SEMA5A: variants seen among roughly 807,000 people sequenced by gnomAD.
SEMA5A encodes semaphorin-5A.
In SEMA5A, 55 loss-of-function variants were observed where a neutral mutation model predicts 135.5. The ratio of observed to expected loss-of-function variants is 0.41; its 90% CI spans 0.33 to 0.51. The LOEUF is 0.51. Ranked by LOEUF, SEMA5A falls within the 20% of genes least tolerant of loss-of-function variation. The probability of loss-of-function intolerance (pLI) is 0.37; values close to 1 mark genes in which losing one functional copy is unlikely to be tolerated. For synonymous variants in SEMA5A, 580 were observed against 546.5 expected, an observed-to-expected ratio of 1.06 and a Z score of -0.85; for missense variants, 1,290 against 1,419.9, an observed-to-expected ratio of 0.91 and a Z score of 1.47.
chr5:9,134,476 T>A (rs546985566), intron 13 of SEMA5A, among the ~76,000 whole-genome samples: 17 of 152,260 alleles, frequency 1.1e-4, no homozygotes, highest in African/African-American at 4.1e-4. Flanking sequence ...TAAAGACATA[T>A]ACAATACATA....
chr5:9,120,542 A>G (rs1740758320), intron 14 of SEMA5A, among the ~76,000 whole-genome samples: 1 of 152,138 alleles, frequency 6.6e-6, no homozygotes. Flanking sequence ...ATCTTCCCAC[A>G]TTTCTTATAA....
chr5:9,221,328 A>C lies in SEMA5A; in HGVS notation c.646+3346T>G, dbSNP rs184079338. Among the ~76,000 whole-genome samples the C allele has an allele frequency of 5.3e-3, 592 of 112,704 alleles. 3 individuals carry two copies. The highest frequency in any genetic ancestry group is 0.019 in the African/African-American group (557 of 28,610). The allele number at this position is 112,704 out of a possible 152,430, so 73.9% of individuals were successfully genotyped here. The stretch of plus-strand genomic sequence containing the variant: ...TTTTTTTTTTTTTTTTTTGAGACGG[A>C]GTCTCGCTGTGTCACCCAGGCTGGA... On this transcript the variant is annotated intron_variant, in intron 8 of 22. Coordinates refer to ENST00000382496, the MANE Select transcript of SEMA5A (RefSeq NM_003966.3).
intron 1 of SEMA5A, among the ~76,000 whole-genome samples, chr5:9,478,440 T>C (rs1446085108): frequency 6.6e-6 from 1 of 152,190 alleles, no homozygotes; most frequent in Non-Finnish European, 1.5e-5. Context: ...AAGAACTCAA[T>C]GTCAGCTGGT....
chr5:9,425,822 C>T (rs1375605171), intron 2 of SEMA5A, among the ~76,000 whole-genome samples: 1 of 152,092 alleles, frequency 6.6e-6, no homozygotes, highest in Non-Finnish European at 1.5e-5. Flanking sequence ...AGAGGAATCC[C>T]TTGGGGACCT....
chr5:9,191,445 CT>C (rs1476629693), intron 10 of SEMA5A, among the ~76,000 whole-genome samples: 1 of 152,188 alleles, frequency 6.6e-6, no homozygotes, highest in East Asian at 1.9e-4. Flanking sequence ...CTTTCATAAA[CT>C]TTAATTCCTG....
chr5:9,389,094 A>G (rs746312125), intron 2 of SEMA5A, among the ~76,000 whole-genome samples: 1 of 152,126 alleles, frequency 6.6e-6, no homozygotes, highest in Non-Finnish European at 1.5e-5. Flanking sequence ...CAGGAAGCTT[A>G]TGTAACTAGA....
chr5:9,099,057 A>G (rs990215302), intron 16 of SEMA5A, among the ~76,000 whole-genome samples: 1 of 152,186 alleles, frequency 6.6e-6, no homozygotes, highest in Non-Finnish European at 1.5e-5. Flanking sequence ...AGATCTCCAT[A>G]CCAATTGCAA....
At chr5:9,524,774 A>G (rs1737032683) in intron 1 of SEMA5A, among the ~76,000 whole-genome samples, 1 of 152,216 alleles carries the variant, frequency 6.6e-6, no homozygotes, top group Non-Finnish European at 1.5e-5. Context: ...ATAAATATAT[A>G]CATAAACACT....
At chr5:9,329,651 C>A (rs1212430364) in intron 4 of SEMA5A, among the ~76,000 whole-genome samples, 22 of 152,238 alleles carry the variant, frequency 1.4e-4, no homozygotes, top group Non-Finnish European at 1.5e-5. Context: ...GTCTGTAGCA[C>A]ATGTACATGC....
At chr5:9,179,307 A>G (rs144133418) in intron 11 of SEMA5A, among the ~76,000 whole-genome samples, 10 of 152,164 alleles carry the variant, frequency 6.6e-5, no homozygotes, top group Non-Finnish European at 1.5e-4. Flanking sequence ...ACAGACCACA[A>G]TTTTTACTAC....
intron 1 of SEMA5A, among the ~76,000 whole-genome samples, chr5:9,469,622 G>C (rs1349835007): frequency 6.6e-6 from 1 of 152,196 alleles, no homozygotes; most frequent in Non-Finnish European, 1.5e-5. Context: ...TAGGGCATCT[G>C]TTCCATCCCA....
At chr5:9,466,841 A>C (rs1759279215) in intron 1 of SEMA5A, among the ~76,000 whole-genome samples, 1 of 152,364 alleles carries the variant, frequency 6.6e-6, no homozygotes, top group East Asian at 1.9e-4. Context: ...ATACTCTTCA[A>C]AGTCATTGCC....
chr5:9,153,728 T>C (rs1742766576), intron 12 of SEMA5A, among the ~76,000 whole-genome samples: 1 of 152,182 alleles, frequency 6.6e-6, no homozygotes, highest in South Asian at 2.1e-4. Context: ...ATAATATTTT[T>C]TGTTATTTCT....
In SEMA5A at chr5:9,089,451, C is replaced by CA. The variant is rs536878250; in HGVS notation, c.2073+18688dup. On this transcript the variant is annotated intron_variant, in intron 16 of 22. Coordinates refer to ENST00000382496, the MANE Select transcript of SEMA5A (RefSeq NM_003966.3). The stretch of plus-strand genomic sequence containing the variant: ...TTGTGAGCCCCCCACCAACTCCCCC[C>CA]ATAAAGGCTCAGCATGGCACCTTTC... 7.3e-4 allele frequency among the ~76,000 whole-genome samples: 111 copies of CA among 152,220 alleles called. 2 individuals are homozygous for CA. In the South Asian group the frequency reaches 0.022, roughly 31 times the overall value.
chr5:9,334,122 A>C (rs1444218524), intron 4 of SEMA5A, among the ~76,000 whole-genome samples: 9 of 152,174 alleles, frequency 5.9e-5, no homozygotes, highest in Non-Finnish European at 1.0e-4. Context: ...AGTACAAAGA[A>C]TCTTTAACTG....
At chr5:9,136,762 G>A in intron 12 of SEMA5A, 141 bp from the exon 13 acceptor site, 2 of 684,566 alleles carry the variant, frequency 2.9e-6, no homozygotes, top group South Asian at 1.7e-5. Context: ...GCTGCACACT[G>A]GAGAGCACAG....
At chr5:9,500,880 C>A (rs1735562762) in intron 1 of SEMA5A, among the ~76,000 whole-genome samples, 1 of 152,128 alleles carries the variant, frequency 6.6e-6, no homozygotes, top group Admixed American at 6.5e-5. Context: ...TGGAGCTTGC[C>A]AACACACCTC....
intron 11 of SEMA5A, among the ~76,000 whole-genome samples, chr5:9,187,612 T>C (rs369915767): frequency 6.6e-6 from 1 of 152,216 alleles, no homozygotes; most frequent in East Asian, 1.9e-4. Context: ...GAGTTCTACA[T>C]ATGGCATCTT....
At chr5:9,227,970 T>C (rs1747410983) in intron 6 of SEMA5A, among the ~76,000 whole-genome samples, 1 of 152,214 alleles carries the variant, frequency 6.6e-6, no homozygotes, top group Non-Finnish European at 1.5e-5. Context: ...GAGTACTTTT[T>C]GTGGTTGCAA....
Sources: gnomAD v4.1 joint callset for allele counts (sites outside exome capture counted in the v4.1 genomes callset) on GRCh38, gnomAD v4.1.1 for gene constraint, MANE v1.5 for transcripts, NCBI Gene and HGNC (gene_info 2026-07-23, HGNC 2026-07-21) for gene names.